Variants in HERC2 observed in about 807,000 individuals in gnomAD.
HERC2 encodes E3 ubiquitin-protein ligase HERC2.
In HERC2, 102 loss-of-function variants were observed where a neutral mutation model predicts 537.7. That is an observed-to-expected ratio of 0.19 (90% CI 0.16 to 0.22). HERC2 has a LOEUF of 0.22. HERC2 is among the 10% of genes least tolerant of loss of function. The pLI is 1.00. For missense variants in HERC2, 4,236 were observed against 6,198.2 expected, an observed-to-expected ratio of 0.68 and a Z score of 10.63; for synonymous variants, 2,224 against 2,466.2, an observed-to-expected ratio of 0.90 and a Z score of 2.91.
rs538407524 is a variant in HERC2, at chr15:28,262,091, A to G, written c.2122+827T>C. Reference sequence around the variant, plus strand: ...GAGAGAAGAGAACCCTAAAGAGTCCATCTGATGTACCTCTCACACTGCCTT... The same window carrying G: ...GAGAGAAGAGAACCCTAAAGAGTCCGTCTGATGTACCTCTCACACTGCCTT... On this transcript the variant is annotated intron_variant, in intron 15 of 92. Coordinates refer to ENST00000261609, the MANE Select transcript of HERC2 (RefSeq NM_004667.6). 4.9e-4 allele frequency among the ~76,000 whole-genome samples: 74 copies of G among 152,316 alleles called. 1 individual carries two copies. Among genetic ancestry groups the G allele is most frequent in the Admixed American group, 2.4e-3 (37 of 15,304 alleles).
At chr15:28,195,649 G>A (rs1449036388) in intron 52 of HERC2, among the ~76,000 whole-genome samples, 1 of 151,926 alleles carries the variant, frequency 6.6e-6, no homozygotes, top group Admixed American at 6.5e-5. Context: ...ACCAAAGTTA[G>A]ATTCAAGGTT....
chr15:28,209,945 T>TTC (rs1898965392), intron 44 of HERC2, among the ~76,000 whole-genome samples: 1 of 129,364 alleles, frequency 7.7e-6, no homozygotes, highest in African/African-American at 3.0e-5. Flanking sequence ...ATTATCTTTT[T>TTC]TTTTTTTTTT....
At chr15:28,117,781 A>T (rs910702048) in intron 86 of HERC2, 2 of 354,464 alleles carry the variant, frequency 5.6e-6, no homozygotes, top group Non-Finnish European at 1.1e-5. Flanking sequence ...ATCCTAAGCT[A>T]CAATTGCTAA....
rs1887916618 is a variant in HERC2 at position 28,113,760 on chromosome 15, A to AC, written c.13914-83dup. ...CTCACACCAAGCCTTGGCATGCAGC[A>AC]CTGTGGCCGCACACGTCCCAGCTGG... On this transcript the variant is annotated intron_variant, in intron 90 of 92. Transcript: ENST00000261609. The surrounding 1 kb of genome is among the most constrained non-coding windows in gnomAD (Gnocchi z 7.0). The AC allele has an allele frequency of 4.4e-6, 5 of 1,142,534 alleles. No homozygotes were observed. Among genetic ancestry groups the AC allele is most frequent in the Non-Finnish European group, 6.5e-6 (5 of 769,610 alleles). 70.8% of individuals were successfully genotyped at this position (1,142,534 alleles called of 1,614,324 possible). A position where few individuals can be genotyped will look rare whatever the true frequency, so the allele number is the denominator to read the frequency against.
In HERC2 at chr15:28,245,557, A is replaced by AT. The variant is rs1408150929; in HGVS notation, c.3577+323_3577+324insA. Among the ~76,000 whole-genome samples the AT allele has an allele frequency of 5.6e-5, 7 of 125,356 alleles. No individual in the cohort carries two copies. The East Asian group carries it at 1.8e-3, about 33-fold the overall frequency. 82.2% of individuals were successfully genotyped at this position (125,356 alleles called of 152,430 possible). ...GCAAGATGTAGTGTCAAAAAAAAAA[A>AT]AAAATATATACACACACACACACAC... is the stretch of plus-strand genomic sequence containing the variant. On this transcript the variant is annotated intron_variant, in intron 23 of 92. Transcript: ENST00000261609.
At chr15:28,147,568 T>C (rs7403383) in intron 70 of HERC2, among the ~76,000 whole-genome samples, 1,555 of 152,102 alleles carry the variant, frequency 0.01, 43 homozygotes, top group Admixed American at 0.046. Flanking sequence ...AGCCCAGAGT[T>C]TGGGGCTGTA....
At position 28,202,339 on chromosome 15, in the gene HERC2, C is replaced by A; in HGVS notation, c.7480+8G>T. 1 of 1,613,630 alleles carries A rather than the reference C, an allele frequency of 6.2e-7. No individual in the cohort carries two copies. The highest frequency in any genetic ancestry group is 2.2e-5 in the East Asian group (1 of 44,870). On this transcript the variant is annotated splice_region_variant and intron_variant, in intron 46 of 92. Coordinates refer to ENST00000261609, the MANE Select transcript of HERC2 (RefSeq NM_004667.6). ...CATACACAAGCAGAGGCCAGGAAAA[C>A]GAAGTACCAGGCAAGCTGGATGCAT...
intron 4 of HERC2, among the ~76,000 whole-genome samples, chr15:28,284,449 C>A (rs915493656): frequency 4.6e-5 from 7 of 151,770 alleles, no homozygotes; most frequent in African/African-American, 1.7e-4. Flanking sequence ...AATTAAAAGA[C>A]ACCAGGAGAG....
intron 2 of HERC2, among the ~76,000 whole-genome samples, chr15:28,317,296 C>T (rs2077114906): frequency 6.6e-6 from 1 of 152,176 alleles, no homozygotes. Flanking sequence ...ACCATGGGCG[C>T]CAGGCTGGTT....
At chr15:28,247,421 CTTTTT>C (rs71132843) in intron 21 of HERC2, among the ~76,000 whole-genome samples, 2 of 76,178 alleles carry the variant, frequency 2.6e-5, no homozygotes, top group Admixed American at 2.0e-4. Flanking sequence ...CTACATGGTT[CTTTTT>C]TTTTTTTTTT....
chr15:28,241,543 C>T (rs930495171), intron 23 of HERC2, among the ~76,000 whole-genome samples: 8 of 152,128 alleles, frequency 5.3e-5, no homozygotes, highest in African/African-American at 9.7e-5. Context: ...AAAAGCAGGC[C>T]GGGCGCAGTG....
chr15:28,243,066 C>T (rs1903292209), intron 23 of HERC2, among the ~76,000 whole-genome samples: 1 of 152,148 alleles, frequency 6.6e-6, no homozygotes, highest in African/African-American at 2.4e-5. Flanking sequence ...CAATAAGTCA[C>T]TAGGGGAAAA....
chr15:28,262,639 G>A (rs924439456), intron 15 of HERC2, among the ~76,000 whole-genome samples: 4 of 152,190 alleles, frequency 2.6e-5, no homozygotes, highest in African/African-American at 9.6e-5. Flanking sequence ...CCAGCCTGCT[G>A]AGTGATTAAT....
At chr15:28,283,597 A>T (rs2076080267) in intron 4 of HERC2, among the ~76,000 whole-genome samples, 1 of 152,202 alleles carries the variant, frequency 6.6e-6, no homozygotes, top group Non-Finnish European at 1.5e-5. Context: ...AAACCCTGGA[A>T]CTTCTGGAAG....
chr15:28,191,364 T>C (rs1896838493), intron 53 of HERC2, 120 bp from the exon 54 acceptor site: 2 of 653,404 alleles, frequency 3.1e-6, no homozygotes, highest in Non-Finnish European at 5.3e-6. Flanking sequence ...AAATGTAGCA[T>C]GAGAGAGAAT....
Position 28,130,271 on chromosome 15 carries a change from C to A in HERC2, c.12694G>T (p.Gly4232Ter), listed in dbSNP as rs1889969512. 1 of 1,614,056 alleles carries A rather than the reference C, an allele frequency of 6.2e-7. No homozygotes were observed. The highest frequency in any genetic ancestry group is 8.5e-7 in the Non-Finnish European group (1 of 1,180,038). Residue 4232 changes from glycine (G) to a stop codon, truncating the protein, a stop_gained, in exon 83 of 93, where the codon GGA (glycine) becomes TGA (stop). Coordinates refer to ENST00000261609, the MANE Select transcript of HERC2 (RefSeq NM_004667.6). LOFTEE classifies it high-confidence loss of function. ...GKGDYHRLGHGSDDHVRRPRQ... is the reference protein window; with the variant it reads ...GKGDYHRLGH ...GGCCTTCGAACATGGTCATCTGATC[C>A]ATGGCCCAACCTGTGATAATCGCCT...
intron 56 of HERC2, among the ~76,000 whole-genome samples, chr15:28,182,844 A>C (rs181969141): frequency 1.5e-4 from 23 of 152,340 alleles, no homozygotes; most frequent in Middle Eastern, 3.4e-3. Flanking sequence ...AAGCCATGGA[A>C]ACAGACGCAC....
intron 42 of HERC2, 116 bp from the exon 43 acceptor site, chr15:28,212,699 T>G (rs1232310587): frequency 1.9e-5 from 22 of 1,146,406 alleles, no homozygotes; most frequent in Non-Finnish European, 2.5e-5. Context: ...CCCGTAAGCC[T>G]TTTATAGCTG....
intron 2 of HERC2, among the ~76,000 whole-genome samples, chr15:28,321,083 G>T (rs1223847877): frequency 6.6e-6 from 1 of 152,200 alleles, no homozygotes; most frequent in East Asian, 1.9e-4. Context: ...GAGTGTGGCA[G>T]ATTTCTTAAC....
Sources: gnomAD v4.1 joint callset for allele counts (sites outside exome capture counted in the v4.1 genomes callset) on GRCh38, gnomAD v4.1.1 for gene constraint, Gnocchi (gnomAD v3.1) non-coding constraint, MANE v1.5 for transcripts, NCBI Gene and HGNC (gene_info 2026-07-23, HGNC 2026-07-21) for gene names.